TAF1: variants seen among roughly 807,000 people sequenced by gnomAD.
TAF1 encodes transcription initiation factor TFIID subunit 1.
TAF1 carries 2 observed loss-of-function variants against 138.5 expected under a neutral mutation model. The observed-to-expected ratio is 0.01, with a 90% CI of 0.01 to 0.05. TAF1 has a LOEUF of 0.05. Among genes scored for constraint, TAF1 ranks in the 10% least tolerant of loss-of-function variants. The probability of loss-of-function intolerance (pLI) is 1.00; values close to 1 mark genes in which losing one functional copy is unlikely to be tolerated. For synonymous variants in TAF1, 437 were observed against 503.2 expected (o/e 0.87, Z 1.76); for missense variants, 709 against 1,478.0 (o/e 0.48, Z 8.53).
intron 13 of TAF1, among the ~76,000 whole-genome samples, chrX:71,524,898 A>G (rs1388321799): frequency 3.0e-5 from 3 of 101,540 alleles, no homozygotes; most frequent in Non-Finnish European, 6.0e-5. Context: ...CTGAGATCGC[A>G]CCACTGCACT....
chrX:71,381,801 T>G lies in TAF1; in HGVS notation c.1419T>G (p.Asn473Lys), dbSNP rs1182496044. The G allele has an allele frequency of 2.5e-6, 3 of 1,208,452 alleles. No individual in the cohort carries two copies. Among genetic ancestry groups the G allele is most frequent in the Non-Finnish European group, 3.4e-6 (3 of 894,372 alleles). The change falls in exon 9 of 38, where the codon AAT becomes AAG. Residue 473 changes from asparagine to lysine, a missense_variant. Coordinates refer to ENST00000423759, the MANE Select transcript of TAF1 (RefSeq NM_004606.5). The part of the protein sequence containing the change: ...KPWYSIFPID[N>K]EDLVYGRWED... ...GGTACTCCATTTTTCCCATTGACAA[T>G]GAGGATCTGGTATATGGACGCTGGG... is the stretch of plus-strand genomic sequence containing the variant.
intron 32 of TAF1, among the ~76,000 whole-genome samples, chrX:71,436,972 C>G (rs1158351332): frequency 9.0e-6 from 1 of 111,628 alleles, no homozygotes; most frequent in East Asian, 2.8e-4. Flanking sequence ...TATGTTTCTT[C>G]ATTTATTCAC....
At position 71,459,653 on chromosome X, in the gene TAF1, A is replaced by G; in HGVS notation, c.5166A>G (p.Gly1722=). 1 of 1,211,510 alleles carries G rather than the reference A, an allele frequency of 8.3e-7. No homozygotes were observed. The highest frequency in any genetic ancestry group is 1.1e-6 in the Non-Finnish European group (1 of 895,458). ...VLYEDLLMSE[G]EDDEEDAGSD... ...ATGAGGATTTGCTTATGTCTGAAGG[A>G]GAAGATGATGAGGAAGATGCTGGGA... The change falls in exon 36 of 38, where the codon GGA becomes GGG. Residue 1722 remains glycine, a synonymous_variant. Transcript: ENST00000423759.
intron 28 of TAF1, 51 bp downstream of exon 28, chrX:71,408,202 TC>T: frequency 8.5e-7 from 1 of 1,179,274 alleles, no homozygotes; most frequent in Non-Finnish European, 1.1e-6. Context: ...AGATCCTTAT[TC>T]CTTACTGGCC....
intron 24 of TAF1, 32 bp downstream of exon 24, chrX:71,398,769 G>C (rs1260267637): frequency 8.6e-7 from 1 of 1,159,306 alleles, no homozygotes; most frequent in African/African-American, 1.8e-5. Flanking sequence ...TACAGCTAAC[G>C]GAGCAAAGGA....
downstream of TAF1, among the ~76,000 whole-genome samples, chrX:71,467,139 G>A (rs1467217337): frequency 2.0e-5 from 2 of 102,237 alleles, no homozygotes; most frequent in African/African-American, 7.2e-5. Context: ...GTTTCTCGGA[G>A]AGGGGGATGT....
intron 32 of TAF1, among the ~76,000 whole-genome samples, chrX:71,427,487 C>T (rs1278469281): frequency 9.0e-6 from 1 of 111,681 alleles, no homozygotes; most frequent in African/African-American, 3.3e-5. Context: ...TGACTTAGGA[C>T]ATAGGGCAGA....
At chrX:71,431,740 C>T (rs1187749768) in intron 32 of TAF1, among the ~76,000 whole-genome samples, 6 of 110,004 alleles carry the variant, frequency 5.5e-5, no homozygotes, top group South Asian at 3.9e-4. Flanking sequence ...CATAGTGAAA[C>T]GCTGCCTCTA....
chrX:71,374,824 G>A (rs931812072), intron 3 of TAF1, among the ~76,000 whole-genome samples: 1 of 110,337 alleles, frequency 9.1e-6, no homozygotes, highest in Non-Finnish European at 1.9e-5. Context: ...TTATTGAGTG[G>A]CCCTGTAATC....
intron 32 of TAF1, among the ~76,000 whole-genome samples, chrX:71,448,601 TAGAA>T (rs1239976142): frequency 3.6e-5 from 4 of 111,742 alleles, no homozygotes; most frequent in Non-Finnish European, 5.6e-5. Flanking sequence ...CATATTTCAT[TAGAA>T]AGACTTAAAT....
chrX:71,387,154 G>A, intron 14 of TAF1, 107 bp from the exon 15 acceptor site: 1 of 792,760 alleles, frequency 1.3e-6, no homozygotes, highest in Non-Finnish European at 1.9e-6. Flanking sequence ...GACCTTAGAT[G>A]GCGTAATTAA....
At chrX:71,433,019 AT>A (rs1569342162) in intron 32 of TAF1, among the ~76,000 whole-genome samples, 1 of 112,241 alleles carries the variant, frequency 8.9e-6, no homozygotes, top group Non-Finnish European at 1.9e-5. Context: ...CTGATTATAC[AT>A]TAAAGTAATG....
At chrX:71,387,959 G>C (rs1343327185) in intron 15 of TAF1, among the ~76,000 whole-genome samples, 1 of 110,356 alleles carries the variant, frequency 9.1e-6, no homozygotes, top group Non-Finnish European at 1.9e-5. Flanking sequence ...ATTTAGCCAG[G>C]CATGGTGGCG....
chrX:71,423,207 A>G lies in TAF1; in HGVS notation c.4543A>G (p.Ile1515Val), dbSNP rs1191340341. 16 of 1,209,910 alleles carry G rather than the reference A, an allele frequency of 1.3e-5. No individual in the cohort carries two copies. The highest frequency in any genetic ancestry group is 2.3e-4 in the Middle Eastern group (1 of 4,375). ...GGCGTTTTCTTTCATTCTGGACAAC[A>G]TTGTCACCCAGAAAATGATGGCAGT... ...QVAFSFILDNIVTQKMMAVPD... is the reference protein window; with the variant it reads ...QVAFSFILDNVVTQKMMAVPD... Residue 1515 changes from isoleucine to valine, a missense_variant, in exon 30 of 38, where the codon ATT becomes GTT. Physicochemically the swap from Ile to Val is conservative, Grantham distance 29 (BLOSUM62 3). Around this residue, in one of 14 missense-constraint regions of TAF1, gnomAD observed 63 missense variants for 163.3 expected, o/e 0.39. Coordinates refer to ENST00000423759, the MANE Select transcript of TAF1 (RefSeq NM_004606.5).
At chrX:71,454,334 C>A in intron 33 of TAF1, 97 bp downstream of exon 33, 6 of 764,128 alleles carry the variant, frequency 7.9e-6, no homozygotes, top group Non-Finnish European at 1.1e-5. Context: ...TGGTGGTACA[C>A]AGCTGGGACG....
At chrX:71,497,076 T>C (rs902629214) in intron 13 of TAF1, among the ~76,000 whole-genome samples, 6 of 112,371 alleles carry the variant, frequency 5.3e-5, no homozygotes, top group Non-Finnish European at 1.1e-4. Flanking sequence ...CTAGTTCTGC[T>C]AACTGGGTGC....
intron 32 of TAF1, among the ~76,000 whole-genome samples, chrX:71,447,651 C>T (rs1048564115): frequency 2.8e-5 from 3 of 106,504 alleles, no homozygotes; most frequent in Non-Finnish European, 3.9e-5. Flanking sequence ...GAGCAGAGAT[C>T]GCGCCACTGT....
chrX:71,513,581 T>C (rs1463865620), intron 13 of TAF1, among the ~76,000 whole-genome samples: 1 of 111,163 alleles, frequency 9.0e-6, no homozygotes, highest in Non-Finnish European at 1.9e-5. Context: ...GAGTCAAGCA[T>C]GGGGTTAAGA....
chrX:71,469,598 G>C (rs1304498925), downstream of TAF1, among the ~76,000 whole-genome samples: 3 of 109,020 alleles, frequency 2.8e-5, no homozygotes, highest in Admixed American at 9.8e-5. Flanking sequence ...CGGGAGGCTC[G>C]GGTGGGAGGA....
Sources: allele counts gnomAD v4.1 joint callset (sites outside exome capture counted in the v4.1 genomes callset), GRCh38; gene constraint gnomAD v4.1.1; regional missense constraint gnomAD v4.1.1; transcripts MANE v1.5; gene names NCBI Gene and HGNC (gene_info 2026-07-23, HGNC 2026-07-21).